DISC1: variants seen among roughly 807,000 people sequenced by gnomAD.
DISC1 encodes disrupted in schizophrenia 1 protein.
Under a neutral mutation model 84.5 loss-of-function variants are expected in DISC1, and 57 were observed. The ratio of observed to expected loss-of-function variants is 0.67; its 90% CI spans 0.55 to 0.84. DISC1 has a LOEUF of 0.84. Among genes scored for constraint, DISC1 ranks in the 40% least tolerant of loss-of-function variants. The probability of loss-of-function intolerance (pLI) is 0.00; values close to 1 mark genes in which losing one functional copy is unlikely to be tolerated. For missense variants in DISC1, 1,000 were observed against 1,057.8 expected, an observed-to-expected ratio of 0.95 and a Z score of 0.76; for synonymous variants, 411 against 415.2, an observed-to-expected ratio of 0.99 and a Z score of 0.12.
At chr1:231,790,465 C>T (rs1370312597) in intron 6 of DISC1, among the ~76,000 whole-genome samples, 5 of 151,952 alleles carry the variant, frequency 3.3e-5, no homozygotes, top group African/African-American at 1.2e-4. Flanking sequence ...TCTCTTTTGT[C>T]TTCAGATGAT....
intron 6 of DISC1, among the ~76,000 whole-genome samples, chr1:231,781,291 A>ATGT (rs58444251): frequency 0.99 from 151,156 of 152,086 alleles, 75,124 homozygotes; most frequent in Middle Eastern, 1. Flanking sequence ...GTATTTTATA[A>ATGT]TGTATTTTAA....
intron 9 of DISC1, among the ~76,000 whole-genome samples, chr1:231,906,258 G>C (rs1195474190): frequency 6.6e-6 from 1 of 152,130 alleles, no homozygotes; most frequent in Admixed American, 6.5e-5. Context: ...CTGACCTCAG[G>C]TGATCTGCCT....
intron 9 of DISC1, among the ~76,000 whole-genome samples, chr1:231,950,266 A>T (rs1017875114): frequency 6.8e-6 from 1 of 147,286 alleles, no homozygotes; most frequent in African/African-American, 2.5e-5. Context: ...TATTTCAGGG[A>T]AATAACAGGA....
chr1:231,713,157 A>G lies in DISC1; in HGVS notation c.1117+11133A>G, dbSNP rs536598617. 1.1e-4 allele frequency among the ~76,000 whole-genome samples: 16 copies of G among 152,330 alleles called. No individual in the cohort carries two copies. In the Middle Eastern group the frequency reaches 0.01, roughly 97 times the overall value. On this transcript the variant is annotated intron_variant, in intron 3 of 12. Transcript: ENST00000439617. ...CTATTATAGCCATCAAAAATAAAAA[A>G]CAGCAAACCCTGGGGAAGGGTGAGA...
rs138970189 is a variant in DISC1, at chr1:231,692,849, C to T, written c.68-977C>T. On this transcript the variant is annotated intron_variant, in intron 1 of 12. Coordinates refer to ENST00000439617, the MANE Select transcript of DISC1 (RefSeq NM_018662.3). ...TAAAAGGAAAGCTATAGTTTCGGGT[C>T]GGATTGATTCACATGGTTTTGGTCG... Among the ~76,000 whole-genome samples, 24 of 152,226 alleles carry T rather than the reference C, an allele frequency of 1.6e-4. No individual in the cohort carries two copies. The East Asian group carries it at 1.7e-3, about 11-fold the overall frequency.
chr1:232,017,127 A>T (rs1035021856), intron 11 of DISC1, among the ~76,000 whole-genome samples: 1 of 152,246 alleles, frequency 6.6e-6, no homozygotes, highest in Non-Finnish European at 1.5e-5. Flanking sequence ...ACAAAACCAT[A>T]TCGCATTCCT....
chr1:231,779,399 A>C (rs1032531597), intron 6 of DISC1, among the ~76,000 whole-genome samples: 1 of 152,188 alleles, frequency 6.6e-6, no homozygotes, highest in Non-Finnish European at 1.5e-5. Flanking sequence ...ATTGTAATAC[A>C]TGTAAATGTT....
intron 3 of DISC1, chr1:231,702,571 T>C: frequency 1.0e-6 from 1 of 984,938 alleles, no homozygotes; most frequent in South Asian, 4.7e-5. Flanking sequence ...TGGCCTAAAA[T>C]ACCCAAGAGA....
At chr1:231,731,000 C>T (rs1451194775) in intron 3 of DISC1, among the ~76,000 whole-genome samples, 1 of 151,756 alleles carries the variant, frequency 6.6e-6, no homozygotes, top group African/African-American at 2.4e-5. Context: ...AAAAAAAAAT[C>T]ACAGTTTTTT....
At chr1:231,857,406 C>T (rs1365787639) in intron 9 of DISC1, among the ~76,000 whole-genome samples, 2 of 152,216 alleles carry the variant, frequency 1.3e-5, no homozygotes, top group Non-Finnish European at 2.9e-5. Flanking sequence ...AATTGATTAT[C>T]TGGATAAGTG....
chr1:231,635,414 A>G (rs150264678), intron 1 of DISC1, among the ~76,000 whole-genome samples: 2 of 151,040 alleles, frequency 1.3e-5, no homozygotes, highest in African/African-American at 4.9e-5. Flanking sequence ...TCCCTCATTT[A>G]CCACCTAGCA....
intron 3 of DISC1, among the ~76,000 whole-genome samples, chr1:231,743,027 G>A (rs1364906460): frequency 6.6e-6 from 1 of 152,218 alleles, no homozygotes; most frequent in Non-Finnish European, 1.5e-5. Context: ...CACTGTGAGT[G>A]TAATTTTTGG....
chr1:231,793,516 T>G (rs1271804962), intron 6 of DISC1, among the ~76,000 whole-genome samples: 1 of 152,062 alleles, frequency 6.6e-6, no homozygotes, highest in East Asian at 1.9e-4. Context: ...ATCCACGTAA[T>G]CCAGTCCTGT....
chr1:231,657,801 T>C (rs2061239492), intron 1 of DISC1, among the ~76,000 whole-genome samples: 1 of 152,066 alleles, frequency 6.6e-6, no homozygotes, highest in South Asian at 2.1e-4. Flanking sequence ...AGGTGTTGGG[T>C]CTTATTTCTG....
At chr1:231,800,790 G>T (rs2079168804) in intron 8 of DISC1, among the ~76,000 whole-genome samples, 1 of 152,056 alleles carries the variant, frequency 6.6e-6, no homozygotes. Context: ...TTAGGTAGAT[G>T]GGAGAGAGAC....
At chr1:231,824,029 A>G (rs1012627750) in intron 9 of DISC1, among the ~76,000 whole-genome samples, 26 of 152,182 alleles carry the variant, frequency 1.7e-4, no homozygotes, top group Admixed American at 2.6e-4. Context: ...GGCATCTTCC[A>G]ATTTCTGACA....
intron 1 of DISC1, among the ~76,000 whole-genome samples, chr1:231,651,916 T>C (rs1264307472): frequency 3.3e-5 from 5 of 152,244 alleles, no homozygotes; most frequent in African/African-American, 1.2e-4. Context: ...TGTAATCTCT[T>C]GGTGTGCTGT....
At chr1:231,810,610 G>A (rs1025322433) in intron 8 of DISC1, among the ~76,000 whole-genome samples, 2 of 152,176 alleles carry the variant, frequency 1.3e-5, no homozygotes, top group African/African-American at 2.4e-5. Context: ...GGGCAGACGA[G>A]TGGGAGAGCT....
At chr1:231,641,567 T>G (rs959918090) in intron 1 of DISC1, among the ~76,000 whole-genome samples, 2 of 152,208 alleles carry the variant, frequency 1.3e-5, no homozygotes, top group African/African-American at 2.4e-5. Context: ...TTCCACAATG[T>G]GCAAAGGGAC....
Sources: gnomAD v4.1 joint callset for allele counts (sites outside exome capture counted in the v4.1 genomes callset) on GRCh38, gnomAD v4.1.1 for gene constraint, MANE v1.5 for transcripts, NCBI Gene and HGNC (gene_info 2026-07-23, HGNC 2026-07-21) for gene names.